Variants in CDH2 observed in about 807,000 individuals in gnomAD.
CDH2 encodes cadherin 2.
Under a neutral mutation model 92.0 loss-of-function variants are expected in CDH2, and 17 were observed. That is an observed-to-expected ratio of 0.18 (90% CI 0.13 to 0.28). The LOEUF is 0.28. Ranked by LOEUF, CDH2 falls within the 10% of genes least tolerant of loss-of-function variation. The pLI is 1.00. For synonymous variants in CDH2, 419 were observed against 415.9 expected (o/e 1.01, Z -0.09); for missense variants, 862 against 1,133.1 (o/e 0.76, Z 3.44).
chr18:28,017,867 C>T (rs776667911), intron 2 of CDH2, among the ~76,000 whole-genome samples: 6 of 152,044 alleles, frequency 3.9e-5, no homozygotes, highest in Non-Finnish European at 5.9e-5. Flanking sequence ...GACAAGGATG[C>T]TCACTTTCAC....
chr18:27,971,079 T>C (rs1208179511), intron 14 of CDH2, among the ~76,000 whole-genome samples: 1 of 152,056 alleles, frequency 6.6e-6, no homozygotes, highest in Admixed American at 6.6e-5. Flanking sequence ...CTACTAAAAA[T>C]ACAAAAATTA....
At chr18:27,970,693 A>G (rs2011634364) in intron 14 of CDH2, among the ~76,000 whole-genome samples, 2 of 152,202 alleles carry the variant, frequency 1.3e-5, no homozygotes, top group Non-Finnish European at 2.9e-5. Flanking sequence ...AAAAAAGCCA[A>G]TGAGAATTCC....
rs576574544 is a variant in CDH2 at position 27,963,408 on chromosome 18, C to T, written c.2463G>A (p.Pro821=). The T allele has an allele frequency of 3.3e-5, 54 of 1,613,960 alleles. No homozygotes were observed. The highest frequency in any genetic ancestry group is 8.0e-5 in the African/African-American group (6 of 74,978). The change falls in exon 15 of 16, where the codon CCG becomes CCA. Residue 821 remains proline (P), a synonymous_variant. Transcript: ENST00000269141. The part of the protein sequence containing the change: ...ERPIHAEPQY[P]VRSAAPHPGD... ...CAGGGTGTGGGGCTGCAGATCGGAC[C>T]GGATACTGGGGCTCGGCGTGGATGG...
At chr18:27,962,512 C>G in intron 15 of CDH2, among the ~76,000 whole-genome samples, 1 of 152,148 alleles carries the variant, frequency 6.6e-6, no homozygotes, top group African/African-American at 2.4e-5. Flanking sequence ...AGGCCATATC[C>G]AACAGATGCA....
intron 6 of CDH2, among the ~76,000 whole-genome samples, chr18:27,942,609 A>G (rs532562653): frequency 6.6e-6 from 1 of 152,310 alleles, no homozygotes; most frequent in African/African-American, 2.4e-5. Context: ...AGAAAAACAA[A>G]TGTTTTTTAT....
intron 2 of CDH2, among the ~76,000 whole-genome samples, chr18:28,091,182 T>C (rs2015030365): frequency 6.6e-6 from 1 of 152,228 alleles, no homozygotes; most frequent in Non-Finnish European, 1.5e-5. Flanking sequence ...CAAAAAGTTT[T>C]GTTTTGTTTT....
rs566603570 is a variant in CDH2, at chr18:28,157,541, G to A, written c.61-9757C>T. On this transcript the variant is annotated intron_variant, in intron 1 of 15. Transcript: ENST00000269141. ...TCAATTTAGGGACACTATTCAAACC[G>A]GCATCAAAAGGCCTTGGGGATTACC... is the stretch of plus-strand genomic sequence containing the variant. Among the ~76,000 whole-genome samples the A allele has an allele frequency of 4.6e-5, 7 of 150,872 alleles. No homozygotes were observed. In the East Asian group the frequency reaches 9.7e-4, roughly 21 times the overall value.
chr18:28,047,531 T>C (rs2014100108), intron 2 of CDH2, among the ~76,000 whole-genome samples: 1 of 152,104 alleles, frequency 6.6e-6, no homozygotes, highest in Admixed American at 6.5e-5. Context: ...CAAGTTCTGA[T>C]CTCGTAAGAT....
intron 2 of CDH2, among the ~76,000 whole-genome samples, chr18:28,064,134 A>AGGGG (rs1292303989): frequency 7.8e-6 from 1 of 127,728 alleles, no homozygotes; most frequent in African/African-American, 2.7e-5. Context: ...ATTCCTCAAA[A>AGGGG]GAGGGGGGGG....
intron 7 of CDH2, among the ~76,000 whole-genome samples, chr18:27,999,165 G>A (rs17493576): frequency 0.029 from 4,348 of 152,218 alleles, 91 homozygotes; most frequent in African/African-American, 0.052. Context: ...CAGAAGAATA[G>A]AAAACTTCCT....
At chr18:28,132,641 T>C (rs954434037) in intron 2 of CDH2, among the ~76,000 whole-genome samples, 1 of 152,154 alleles carries the variant, frequency 6.6e-6, no homozygotes, top group Non-Finnish European at 1.5e-5. Flanking sequence ...GAGGTGGACT[T>C]AGCCCCTCCT....
At chr18:28,022,299 T>C (rs1221869524) in intron 2 of CDH2, among the ~76,000 whole-genome samples, 2 of 151,982 alleles carry the variant, frequency 1.3e-5, no homozygotes, top group Non-Finnish European at 2.9e-5. Context: ...TATACAGAGC[T>C]TGGTGAAAAA....
chr18:28,132,678 A>AT (rs2015792339), intron 2 of CDH2, among the ~76,000 whole-genome samples: 1 of 152,192 alleles, frequency 6.6e-6, no homozygotes, highest in Admixed American at 6.5e-5. Context: ...CAGGAGCAGC[A>AT]GGGAGCAGAT....
At chr18:27,969,236 A>C (rs1352937456) in intron 14 of CDH2, among the ~76,000 whole-genome samples, 2 of 152,172 alleles carry the variant, frequency 1.3e-5, no homozygotes, top group African/African-American at 4.8e-5. Context: ...TAACTTGGGG[A>C]CTTTCAGTAT....
At chr18:28,105,318 A>T (rs1317252614) in intron 2 of CDH2, among the ~76,000 whole-genome samples, 1 of 152,176 alleles carries the variant, frequency 6.6e-6, no homozygotes, top group Non-Finnish European at 1.5e-5. Context: ...AATTAATGCA[A>T]ATTTTAAAGT....
intron 2 of CDH2, among the ~76,000 whole-genome samples, chr18:28,038,049 T>C (rs934181790): frequency 1.3e-5 from 2 of 152,098 alleles, no homozygotes; most frequent in Admixed American, 6.5e-5. Flanking sequence ...GGGAAAAGAA[T>C]AGAAACAGGT....
At chr18:28,106,139 G>A (rs559214877) in intron 2 of CDH2, among the ~76,000 whole-genome samples, 20 of 152,326 alleles carry the variant, frequency 1.3e-4, no homozygotes, top group South Asian at 8.3e-4. Context: ...ATATCTGGCC[G>A]GGTGCAGTGG....
At chr18:27,989,213 A>G (rs2012332584) in intron 10 of CDH2, among the ~76,000 whole-genome samples, 1 of 152,322 alleles carries the variant, frequency 6.6e-6, no homozygotes, top group Non-Finnish European at 1.5e-5. Flanking sequence ...CTTTGCAAAG[A>G]AAGTCCTACA....
In CDH2 at chr18:28,140,895, GAT is replaced by G. The variant is rs145033713; in HGVS notation, c.172+6776_172+6777del. 1.7e-3 allele frequency among the ~76,000 whole-genome samples: 240 copies of G among 144,992 alleles called. 2 individuals carry two copies. Among genetic ancestry groups the G allele is most frequent in the African/African-American group, 5.5e-3 (218 of 39,400 alleles). On this transcript the variant is annotated intron_variant, in intron 2 of 15. Coordinates refer to ENST00000269141, the MANE Select transcript of CDH2 (RefSeq NM_001792.5). ...TTTGAATAGACATTTCTCCAAACAA[GAT>G]ATATATATATATACCTATATATATA...
Sources: allele counts gnomAD v4.1 joint callset (sites outside exome capture counted in the v4.1 genomes callset), GRCh38; gene constraint gnomAD v4.1.1; transcripts MANE v1.5; gene names NCBI Gene and HGNC (gene_info 2026-07-23, HGNC 2026-07-21).